ERC1: variants seen among roughly 807,000 people sequenced by gnomAD.
ERC1 encodes RAB6 interacting protein 2.
Under a neutral mutation model 132.0 loss-of-function variants are expected in ERC1, and 56 were observed. The observed-to-expected ratio is 0.42, with a 90% CI of 0.34 to 0.53. The LOEUF (loss-of-function observed/expected upper bound fraction) is 0.53, where lower values mean the gene tolerates loss of function less well. ERC1 is among the 20% of genes least tolerant of loss of function. The pLI is 0.03. For missense variants in ERC1, 1,202 were observed against 1,349.9 expected (o/e 0.89, Z 1.72); for synonymous variants, 478 against 476.1 (o/e 1.00, Z -0.05).
intron 7 of ERC1, among the ~76,000 whole-genome samples, chr12:1,117,649 T>C (rs1335251860): frequency 6.6e-6 from 1 of 152,240 alleles, no homozygotes. Context: ...ATAGTAGTGC[T>C]TAACTCATAA....
At chr12:1,401,763 AAAAG>A (rs1285368265) in intron 16 of ERC1, among the ~76,000 whole-genome samples, 1,757 of 151,164 alleles carry the variant, frequency 0.012, 34 homozygotes, top group African/African-American at 0.04. Flanking sequence ...AAAAAAAAAA[AAAAG>A]AGTATTTTTA....
chr12:1,405,484 A>G (rs1326036334), intron 16 of ERC1, among the ~76,000 whole-genome samples: 2 of 152,098 alleles, frequency 1.3e-5, no homozygotes, highest in African/African-American at 4.8e-5. Context: ...CAGGCGGATT[A>G]TATGAGGTCA....
At chr12:1,356,212 A>AGTGTGTGTGTGTGTG (rs1489476709) in intron 15 of ERC1, among the ~76,000 whole-genome samples, 243 of 119,058 alleles carry the variant, frequency 2.0e-3, no homozygotes, top group Middle Eastern at 0.012. Flanking sequence ...AAAAAAAAAA[A>AGTGTGTGTGTGTGTG]AGTGTGTGTG....
intron 15 of ERC1, among the ~76,000 whole-genome samples, chr12:1,292,913 G>A (rs553084938): frequency 9.6e-4 from 146 of 152,246 alleles, no homozygotes; most frequent in South Asian, 2.9e-3. Context: ...TTGGGAGGCC[G>A]AGGCTGGTGG....
At chr12:1,303,267 A>G (rs1271635982) in intron 15 of ERC1, among the ~76,000 whole-genome samples, 1 of 152,216 alleles carries the variant, frequency 6.6e-6, no homozygotes, top group East Asian at 1.9e-4. Context: ...TTTCTGAAGC[A>G]TGGGATGCTG....
chr12:1,145,423 G>A (rs1950262477), intron 8 of ERC1, among the ~76,000 whole-genome samples: 1 of 152,030 alleles, frequency 6.6e-6, no homozygotes, highest in Admixed American at 6.6e-5. Flanking sequence ...TTTTTGATGG[G>A]ATTATTTGTT....
In ERC1 at chr12:1,431,674, A is replaced by G. The variant is rs569641256; in HGVS notation, c.3025-12888A>G. Reference sequence around the variant, plus strand: ...CCAAATCCAATTTTCCATTTAGCCAATGTTTTATTTTGTGTTAATATTATT... The same window carrying G: ...CCAAATCCAATTTTCCATTTAGCCAGTGTTTTATTTTGTGTTAATATTATT... On this transcript the variant is annotated intron_variant, in intron 17 of 18. Coordinates refer to ENST00000360905, the MANE Select transcript of ERC1 (RefSeq NM_178040.4). 9.3e-4 allele frequency among the ~76,000 whole-genome samples: 141 copies of G among 152,222 alleles called. 1 individual carries two copies. The highest frequency in any genetic ancestry group is 3.2e-3 in the African/African-American group (132 of 41,530).
intron 14 of ERC1, among the ~76,000 whole-genome samples, chr12:1,282,430 T>C (rs761775012): frequency 1.3e-5 from 2 of 152,110 alleles, no homozygotes; most frequent in Non-Finnish European, 2.9e-5. Context: ...AGTAGACAAA[T>C]AATGTAAGTA....
chr12:1,426,352 G>A (rs1026050545), intron 17 of ERC1, among the ~76,000 whole-genome samples: 6 of 152,032 alleles, frequency 3.9e-5, no homozygotes, highest in African/African-American at 1.2e-4. Flanking sequence ...TGATCCACCC[G>A]CCTCAACCTC....
Position 1,444,609 on chromosome 12 carries a change from G to A in ERC1, c.3072G>A (p.Lys1024=), listed in dbSNP as rs764091600. ...TTGACCAAAATAGAAGTAAATTAAAGTTGTACATTGGACACCTGACAACCC... is the reference window on the plus strand; with the variant it reads ...TTGACCAAAATAGAAGTAAATTAAAATTGTACATTGGACACCTGACAACCC... ...LELDQNRSKL[K]LYIGHLTTLC... is the part of the protein sequence containing the mutation. The change falls in exon 18 of 19, where the codon AAG becomes AAA. Residue 1024 remains lysine, a synonymous_variant. Transcript: ENST00000360905. 6 of 1,613,992 alleles carry A rather than the reference G, an allele frequency of 3.7e-6. No individual in the cohort carries two copies. The highest frequency in any genetic ancestry group is 3.3e-5 in the Admixed American group (2 of 60,004).
At chr12:1,207,979 C>G (rs1957496826) in intron 12 of ERC1, among the ~76,000 whole-genome samples, 1 of 152,140 alleles carries the variant, frequency 6.6e-6, no homozygotes, top group South Asian at 2.1e-4. Flanking sequence ...CCCACCCCCC[C>G]ATCTCAGTAA....
intron 15 of ERC1, among the ~76,000 whole-genome samples, chr12:1,313,963 A>G (rs936194551): frequency 2.6e-5 from 4 of 152,148 alleles, no homozygotes; most frequent in Non-Finnish European, 1.5e-5. Context: ...CAGCCTGGGC[A>G]ACAGAGTGAG....
At position 993,918 on chromosome 12, in the gene ERC1, A is replaced by G. The variant is rs558737785; in HGVS notation, c.-157+2596A>G. ...TTCCATCTCAAAAAATAAAAATAAA[A>G]ATTGGCTGGGTGTGGTGGTGCACAC... is the stretch of plus-strand genomic sequence containing the variant. On this transcript the variant is annotated intron_variant, in intron 1 of 18. Transcript: ENST00000360905. Among the ~76,000 whole-genome samples the G allele has an allele frequency of 3.9e-5, 6 of 151,902 alleles. No individual in the cohort carries two copies. The South Asian group carries it at 1.3e-3, about 32-fold the overall frequency.
intron 12 of ERC1, among the ~76,000 whole-genome samples, chr12:1,207,558 A>G (rs7299878): frequency 0.43 from 66,104 of 152,034 alleles, 16,195 homozygotes; most frequent in African/African-American, 0.67. Context: ...AGCAAGTGTA[A>G]CATCTTCTCT....
In ERC1 at chr12:1,493,543, AAAAAAATATATATATATAT is replaced by A; in HGVS notation, c.*3315_*3333del. The A allele has an allele frequency of 1.2e-5, 1 of 83,816 alleles. No individual in the cohort carries two copies. The highest frequency in any genetic ancestry group is 2.3e-5 in the Non-Finnish European group (1 of 43,394). The allele number at this position is 83,816 out of a possible 1,614,324, so 5.2% of individuals were successfully genotyped here. On this transcript the variant is annotated 3_prime_UTR_variant, in exon 19 of 19. Transcript: ENST00000360905. ...CAGAGACTCCATTTAAAAAAAAAAA[AAAAAAATATATATATATAT>A]ATATATATATATATATGGATGGGAA...
At chr12:1,221,591 A>G (rs1246310503) in intron 12 of ERC1, among the ~76,000 whole-genome samples, 2 of 152,188 alleles carry the variant, frequency 1.3e-5, no homozygotes. Context: ...TTCTTTAGAC[A>G]GTTAGGAATA....
chr12:1,257,422 A>G (rs1288891928), intron 13 of ERC1, among the ~76,000 whole-genome samples: 1 of 152,224 alleles, frequency 6.6e-6, no homozygotes, highest in Non-Finnish European at 1.5e-5. Context: ...TAATACAACA[A>G]TGAACAATGA....
intron 7 of ERC1, among the ~76,000 whole-genome samples, chr12:1,129,497 G>T (rs1354629209): frequency 6.6e-6 from 1 of 152,196 alleles, no homozygotes; most frequent in Non-Finnish European, 1.5e-5. Flanking sequence ...CTGCACTCCA[G>T]CTTGGGCAAT....
At chr12:1,003,119 CAA>C (rs34159893) in intron 1 of ERC1, among the ~76,000 whole-genome samples, 4 of 84,816 alleles carry the variant, frequency 4.7e-5, no homozygotes, top group Non-Finnish European at 1.1e-4. Flanking sequence ...AAAAAAGACT[CAA>C]AAAAAAAAAG....
Sources: gnomAD v4.1 joint callset for allele counts (sites outside exome capture counted in the v4.1 genomes callset) on GRCh38, gnomAD v4.1.1 for gene constraint, MANE v1.5 for transcripts, NCBI Gene and HGNC (gene_info 2026-07-23, HGNC 2026-07-21) for gene names.